The following PAQR8 variants were observed in gnomAD, a reference collection of about 807,000 sequenced individuals.
The protein encoded by PAQR8 is progestin and adipoQ receptor family member 8, also known as membrane progestin receptor beta.
PAQR8 carries 17 observed loss-of-function variants against 25.2 expected under a neutral mutation model. That is an observed-to-expected ratio of 0.67 (90% confidence interval 0.46 to 1.01). The LOEUF (loss-of-function observed/expected upper bound fraction) is 1.01, where lower values mean the gene tolerates loss of function less well. Ranked by LOEUF, PAQR8 falls within the 50% of genes least tolerant of loss-of-function variation. The pLI is 0.00. For missense variants in PAQR8, 392 were observed against 448.4 expected, an observed-to-expected ratio of 0.87 and a Z score of 1.14; for synonymous variants, 204 against 190.6, an observed-to-expected ratio of 1.07 and a Z score of -0.58.
intron 1 of PAQR8, among the ~76,000 whole-genome samples, chr6:52,387,569 A>G (rs1405102887): frequency 1.3e-5 from 2 of 152,122 alleles, no homozygotes; most frequent in Admixed American, 1.3e-4. Context: ...AGGAAGACAC[A>G]TGTATAGCCA....
rs775682820 is a variant in PAQR8, at chr6:52,403,533, C to T, written c.320C>T (p.Thr107Ile). 2.5e-6 allele frequency: 4 copies of T among 1,614,056 alleles called. No homozygotes were observed. The highest frequency in any genetic ancestry group is 8.5e-7 in the Non-Finnish European group (1 of 1,180,038). ...GCTGAGGCCTTGCCATGGGCGTCTA[C>T]CCACTCCCTGCCTCTGCTCCTCTTC... Reference protein sequence around the residue: ...AEAEALPWASTHSLPLLLFIL... With the variant: ...AEAEALPWASIHSLPLLLFIL... The change falls in exon 2 of 2, where the codon ACC (threonine) becomes ATC (isoleucine). Residue 107 changes from threonine (T) to isoleucine (I), a missense_variant. By Grantham distance (89) the Thr-to-Ile change is moderately conservative (BLOSUM62 -1). Coordinates refer to ENST00000442253, the MANE Select transcript of PAQR8 (RefSeq NM_133367.5).
intron 1 of PAQR8, among the ~76,000 whole-genome samples, chr6:52,385,991 T>G (rs1763628760): frequency 6.6e-6 from 1 of 151,998 alleles, no homozygotes; most frequent in East Asian, 1.9e-4. Flanking sequence ...ATAAGGAACT[T>G]TAAATCACCA....
intron 1 of PAQR8, among the ~76,000 whole-genome samples, chr6:52,378,800 G>C (rs556393158): frequency 1.1e-4 from 16 of 146,070 alleles, no homozygotes; most frequent in South Asian, 2.2e-4. Flanking sequence ...AAAAAAAAAG[G>C]GGGGGAAGAA....
At chr6:52,365,631 C>T (rs988602189) in intron 1 of PAQR8, among the ~76,000 whole-genome samples, 1 of 152,086 alleles carries the variant, frequency 6.6e-6, no homozygotes, top group African/African-American at 2.4e-5. Context: ...TTATCATTTC[C>T]CAGGTAATGA....
At chr6:52,386,490 G>T (rs1328062895) in intron 1 of PAQR8, among the ~76,000 whole-genome samples, 2 of 152,188 alleles carry the variant, frequency 1.3e-5, no homozygotes, top group Admixed American at 1.3e-4. Context: ...AGAAATTGTG[G>T]TATGTACACA....
At chr6:52,383,836 T>C (rs74869632) in intron 1 of PAQR8, among the ~76,000 whole-genome samples, 1,649 of 152,268 alleles carry the variant, frequency 0.011, 31 homozygotes, top group African/African-American at 0.037. Flanking sequence ...GGCTCAGGAA[T>C]GTAAGCTTTA....
intron 1 of PAQR8, among the ~76,000 whole-genome samples, chr6:52,366,539 A>T (rs1763355843): frequency 6.6e-6 from 1 of 152,200 alleles, no homozygotes; most frequent in African/African-American, 2.4e-5. Context: ...ACTCTTTCAA[A>T]ATTAGATCCC....
chr6:52,373,460 G>A (rs1763445112), intron 1 of PAQR8: 1 of 152,236 alleles, frequency 6.6e-6, no homozygotes, highest in Admixed American at 6.5e-5. Context: ...GTCCCACTGA[G>A]TCTTTTCAGT....
intron 1 of PAQR8, among the ~76,000 whole-genome samples, chr6:52,391,733 A>C (rs57214456): frequency 0.096 from 14,547 of 152,264 alleles, 1,192 homozygotes; most frequent in Admixed American, 0.26. Context: ...TTTGGCTGCT[A>C]TTCCTTTGCA....
intron 1 of PAQR8, among the ~76,000 whole-genome samples, chr6:52,378,142 TTTTA>T (rs1252337666): frequency 1.3e-5 from 2 of 152,202 alleles, no homozygotes; most frequent in South Asian, 2.1e-4. Context: ...GGAGTAAATG[TTTTA>T]TTTATTTAAG....
chr6:52,401,821 A>G (rs980077396), intron 1 of PAQR8, among the ~76,000 whole-genome samples: 1 of 152,212 alleles, frequency 6.6e-6, no homozygotes, highest in African/African-American at 2.4e-5. Flanking sequence ...GGTGCTAAAG[A>G]AATACAGTCT....
At chr6:52,374,943 T>A (rs1187418415) in intron 1 of PAQR8, among the ~76,000 whole-genome samples, 8 of 149,216 alleles carry the variant, frequency 5.4e-5, no homozygotes, top group African/African-American at 2.0e-4. Context: ...AATATAATAT[T>A]ATATTAATAT....
intron 1 of PAQR8, among the ~76,000 whole-genome samples, chr6:52,365,466 G>T (rs1443412279): frequency 6.6e-6 from 1 of 152,124 alleles, no homozygotes; most frequent in Non-Finnish European, 1.5e-5. Flanking sequence ...TACCTCATGG[G>T]GCTGTGATGA....
chr6:52,397,102 G>A (rs1414835801), intron 1 of PAQR8, among the ~76,000 whole-genome samples: 2 of 152,114 alleles, frequency 1.3e-5, no homozygotes, highest in Non-Finnish European at 2.9e-5. Flanking sequence ...CAAGAGAGGA[G>A]GCATTGGTTA....
intron 1 of PAQR8, among the ~76,000 whole-genome samples, chr6:52,373,937 C>G (rs1429999754): frequency 6.6e-6 from 1 of 152,156 alleles, no homozygotes; most frequent in Non-Finnish European, 1.5e-5. Context: ...GTGACTAGAT[C>G]ATGGGGGCAG....
At chr6:52,402,150 G>A (rs537154019) in intron 1 of PAQR8, among the ~76,000 whole-genome samples, 2 of 152,254 alleles carry the variant, frequency 1.3e-5, no homozygotes, top group Admixed American at 1.3e-4. Context: ...GATCATTTGA[G>A]GTTAGAAGTT....
chr6:52,367,072 T>C (rs373629183), intron 1 of PAQR8, among the ~76,000 whole-genome samples: 10 of 152,182 alleles, frequency 6.6e-5, no homozygotes, highest in Non-Finnish European at 1.0e-4. Context: ...TGGGGAGAAG[T>C]GGGTGGTGAA....
chr6:52,371,273 C>T (rs1340506967), intron 1 of PAQR8, among the ~76,000 whole-genome samples: 2 of 152,128 alleles, frequency 1.3e-5, no homozygotes, highest in African/African-American at 4.8e-5. Flanking sequence ...TAATGGAGTT[C>T]CAGCTTTATT....
chr6:52,403,407 ACTT>A lies in PAQR8; in HGVS notation c.199_201del (p.Phe67del), dbSNP rs1391464927. 7.4e-6 allele frequency: 12 copies of A among 1,614,196 alleles called. No individual in the cohort carries two copies. Among genetic ancestry groups the A allele is most frequent in the East Asian group, 2.2e-5 (1 of 44,880 alleles). The stretch of plus-strand genomic sequence containing the variant: ...CCCACGGGGCACGAGTGGCGCTACT[ACTT>A]CTTCAGCCTCTTTCAGAAACACAAC... On this transcript the variant is annotated inframe_deletion, in exon 2 of 2. Transcript: ENST00000442253.
Sources: gnomAD v4.1 joint callset for allele counts (sites outside exome capture counted in the v4.1 genomes callset) on GRCh38, gnomAD v4.1.1 for gene constraint, MANE v1.5 for transcripts, NCBI Gene and HGNC (gene_info 2026-07-23, HGNC 2026-07-21) for gene names.